NCOA2: variants seen among roughly 807,000 people sequenced by gnomAD.
The protein encoded by NCOA2 is nuclear receptor coactivator 2.
In NCOA2, 21 loss-of-function variants were observed where a neutral mutation model predicts 145.1. The observed-to-expected ratio is 0.14, with a 90% CI of 0.10 to 0.21. The LOEUF (loss-of-function observed/expected upper bound fraction) is 0.21. Ranked by LOEUF, NCOA2 falls within the 10% of genes least tolerant of loss-of-function variation. NCOA2 has a pLI of 1.00. For missense variants in NCOA2, 1,472 were observed against 1,837.6 expected (o/e 0.80, Z 3.64); for synonymous variants, 619 against 637.5 (o/e 0.97, Z 0.44).
chr8:70,208,914 T>C (rs976984114), intron 4 of NCOA2, among the ~76,000 whole-genome samples: 5 of 152,384 alleles, frequency 3.3e-5, no homozygotes, highest in Middle Eastern at 3.4e-3. Flanking sequence ...ACAGTATCTA[T>C]GCTATAGCCA....
At chr8:70,159,242 A>ATATATATATATATATATTTTT in intron 10 of NCOA2, among the ~76,000 whole-genome samples, 19 of 61,074 alleles carry the variant, frequency 3.1e-4, no homozygotes, top group African/African-American at 9.7e-4. Flanking sequence ...ATATATATAT[A>ATATATATATATATATATTTTT]TTTTTTTTTT....
At chr8:70,367,597 AG>A (rs1810830889) in intron 1 of NCOA2, among the ~76,000 whole-genome samples, 1 of 152,200 alleles carries the variant, frequency 6.6e-6, no homozygotes, top group African/African-American at 2.4e-5. Flanking sequence ...AGGTCCAAAC[AG>A]TTTCAATTTA....
chr8:70,209,332 CTG>C (rs1586105869), intron 4 of NCOA2, among the ~76,000 whole-genome samples: 1 of 152,200 alleles, frequency 6.6e-6, no homozygotes, highest in East Asian at 1.9e-4. Flanking sequence ...GAATCAACTC[CTG>C]GTAAAGATGC....
At chr8:70,187,195 T>C (rs1816173212) in intron 4 of NCOA2, among the ~76,000 whole-genome samples, 1 of 152,076 alleles carries the variant, frequency 6.6e-6, no homozygotes, top group Non-Finnish European at 1.5e-5. Flanking sequence ...CCAGCACAAG[T>C]GTGAAAGAGA....
chr8:70,124,594 C>A, intron 20 of NCOA2, 94 bp downstream of exon 20: 1 of 1,278,058 alleles, frequency 7.8e-7, no homozygotes, highest in Non-Finnish European at 1.1e-6. Context: ...TTGATAAAAA[C>A]AAACAGAAAG....
intron 21 of NCOA2, among the ~76,000 whole-genome samples, chr8:70,122,867 C>G (rs1807976977): frequency 6.6e-6 from 1 of 152,220 alleles, no homozygotes; most frequent in Non-Finnish European, 1.5e-5. Context: ...ACAGACCTGT[C>G]AGTGATTTCA....
At chr8:70,348,160 G>C (rs1586562735) in intron 1 of NCOA2, among the ~76,000 whole-genome samples, 1 of 152,128 alleles carries the variant, frequency 6.6e-6, no homozygotes, top group Non-Finnish European at 1.5e-5. Context: ...AGTGTTTTGT[G>C]GGTCATAAAG....
At chr8:70,257,299 A>C (rs1823712146) in intron 2 of NCOA2, among the ~76,000 whole-genome samples, 1 of 152,240 alleles carries the variant, frequency 6.6e-6, no homozygotes, top group Admixed American at 6.5e-5. Flanking sequence ...TGAAGGAGAA[A>C]GGTCAGTTAT....
At chr8:70,321,711 T>G (rs894595377) in intron 1 of NCOA2, among the ~76,000 whole-genome samples, 14 of 151,864 alleles carry the variant, frequency 9.2e-5, no homozygotes, top group African/African-American at 3.4e-4. Context: ...TCAGAAATGC[T>G]TTGCTTTTTT....
chr8:70,306,286 T>A (rs1267412191), intron 1 of NCOA2, among the ~76,000 whole-genome samples: 1 of 152,128 alleles, frequency 6.6e-6, no homozygotes, highest in Non-Finnish European at 1.5e-5. Context: ...CCAGTCCTCA[T>A]GACTAACAGA....
chr8:70,120,171 G>A (rs960446037), intron 22 of NCOA2, among the ~76,000 whole-genome samples: 4 of 152,096 alleles, frequency 2.6e-5, no homozygotes, highest in African/African-American at 9.7e-5. Context: ...GTCCCTTGTT[G>A]GATAAATGGT....
chr8:70,167,621 T>G (rs1170131189), intron 6 of NCOA2, among the ~76,000 whole-genome samples: 1 of 152,256 alleles, frequency 6.6e-6, no homozygotes, highest in Non-Finnish European at 1.5e-5. Context: ...AATTGTTTCA[T>G]GTACATTTCT....
At chr8:70,200,478 T>C (rs1415185144) in intron 4 of NCOA2, among the ~76,000 whole-genome samples, 1 of 152,218 alleles carries the variant, frequency 6.6e-6, no homozygotes, top group Non-Finnish European at 1.5e-5. Context: ...ATCTGTGGCC[T>C]GTCTCTCCTA....
chr8:70,294,453 C>T (rs929130128), intron 2 of NCOA2, among the ~76,000 whole-genome samples: 2 of 152,106 alleles, frequency 1.3e-5, no homozygotes. Flanking sequence ...CATGCCCCTA[C>T]CCATAATCTG....
chr8:70,354,848 A>G (rs1442846337), intron 1 of NCOA2, among the ~76,000 whole-genome samples: 2 of 152,246 alleles, frequency 1.3e-5, no homozygotes, highest in Admixed American at 6.5e-5. Flanking sequence ...TTATTCTTAT[A>G]TGGCATAAAC....
upstream of NCOA2, among the ~76,000 whole-genome samples, chr8:70,408,545 T>A (rs771815335): frequency 4.6e-5 from 7 of 152,194 alleles, no homozygotes; most frequent in Non-Finnish European, 1.0e-4. Flanking sequence ...ATGCTTGTAG[T>A]TCCAGCTACT....
At chr8:70,372,416 A>C (rs1811302817) in intron 1 of NCOA2, among the ~76,000 whole-genome samples, 1 of 152,218 alleles carries the variant, frequency 6.6e-6, no homozygotes, top group South Asian at 2.1e-4. Flanking sequence ...CTGAGCACGC[A>C]TAGCCAGCTT....
intron 2 of NCOA2, among the ~76,000 whole-genome samples, chr8:70,239,590 G>A (rs981666205): frequency 1.3e-5 from 2 of 152,098 alleles, no homozygotes; most frequent in African/African-American, 4.8e-5. Context: ...ACAACACCAT[G>A]AGACACTGCC....
intron 2 of NCOA2, among the ~76,000 whole-genome samples, chr8:70,250,213 G>GA (rs1451925340): frequency 4.0e-5 from 6 of 151,610 alleles, no homozygotes; most frequent in African/African-American, 1.5e-4. Flanking sequence ...GCAACATGGT[G>GA]AAACCCATCT....
Sources: gnomAD v4.1 joint callset for allele counts (sites outside exome capture counted in the v4.1 genomes callset) on GRCh38, gnomAD v4.1.1 for gene constraint, MANE v1.5 for transcripts, NCBI Gene and HGNC (gene_info 2026-07-23, HGNC 2026-07-21) for gene names.